Variants in ZMYM2 observed in about 807,000 individuals in gnomAD.
ZMYM2 encodes the protein zinc finger MYM-type protein 2.
In ZMYM2, 56 loss-of-function variants were observed where a neutral mutation model predicts 162.8. The observed-to-expected ratio is 0.34, with a 90% CI of 0.28 to 0.43. ZMYM2 has a LOEUF of 0.43. Ranked by LOEUF, ZMYM2 falls within the 20% of genes least tolerant of loss-of-function variation. The probability of loss-of-function intolerance (pLI) is 1.00; values close to 1 mark genes in which losing one functional copy is unlikely to be tolerated. For synonymous variants in ZMYM2, 510 were observed against 541.6 expected (o/e 0.94, Z 0.81); for missense variants, 1,275 against 1,621.8 (o/e 0.79, Z 3.67).
At chr13:19,927,190 TA>T in the ZMYM2 span, among the ~76,000 whole-genome samples, 3 of 152,296 alleles carry the variant, frequency 2.0e-5, no homozygotes, top group South Asian at 2.1e-4. Flanking sequence ...TATTTGTTAT[TA>T]AAAAAATTGT....
chr13:19,918,020 G>A, the ZMYM2 span, among the ~76,000 whole-genome samples: 22 of 152,180 alleles, frequency 1.4e-4, no homozygotes, highest in Non-Finnish European at 2.9e-4. Context: ...TCGTGCCACT[G>A]CACTCCAGCC....
At chr13:20,010,567 G>A (rs924186785) in intron 6 of ZMYM2, among the ~76,000 whole-genome samples, 1 of 152,050 alleles carries the variant, frequency 6.6e-6, no homozygotes, top group East Asian at 1.9e-4. Context: ...ATCTATTCAA[G>A]TCCTGTCTCT....
chr13:19,954,170 C>T (rs1954473029), upstream of ZMYM2, among the ~76,000 whole-genome samples: 1 of 86,006 alleles, frequency 1.2e-5, no homozygotes, highest in Admixed American at 1.9e-4. Context: ...ACTCTGTCGC[C>T]CAGGCTGGAG....
intron 8 of ZMYM2, 96 bp downstream of exon 8, chr13:20,026,858 G>A: frequency 3.1e-6 from 4 of 1,304,858 alleles, no homozygotes; most frequent in Non-Finnish European, 3.1e-6. Context: ...GTTTTTAACA[G>A]CTTTTTATTT....
rs1566240180 is a variant in ZMYM2 at position 19,993,047 on chromosome 13, TC to T, written c.-10-15del. On this transcript the variant is annotated splice_polypyrimidine_tract_variant and intron_variant, in intron 2 of 24. Coordinates refer to ENST00000610343, the MANE Select transcript of ZMYM2 (RefSeq NM_197968.4). The stretch of plus-strand genomic sequence containing the variant: ...TCATACTGACATTTTAATTCTTTTT[TC>T]TATCTTCCTAACAGGTTCTTTGGCA... The T allele has an allele frequency of 2.6e-6, 4 of 1,546,314 alleles. No individual in the cohort carries two copies. Among genetic ancestry groups the T allele is most frequent in the African/African-American group, 1.4e-5 (1 of 72,176 alleles).
chr13:19,884,603 G>C, the ZMYM2 span, among the ~76,000 whole-genome samples: 2 of 151,990 alleles, frequency 1.3e-5, no homozygotes, highest in Non-Finnish European at 2.9e-5. Flanking sequence ...TGGTCCTCAC[G>C]GTGAGTATTA....
the ZMYM2 span, among the ~76,000 whole-genome samples, chr13:19,909,786 G>A: frequency 1.3e-5 from 2 of 152,142 alleles, no homozygotes; most frequent in African/African-American, 4.8e-5. Context: ...GACCTCTAAA[G>A]TGCAACCCAG....
At chr13:19,966,908 C>G (rs180836749) in intron 2 of ZMYM2, among the ~76,000 whole-genome samples, 1 of 152,188 alleles carries the variant, frequency 6.6e-6, no homozygotes, top group African/African-American at 2.4e-5. Flanking sequence ...GTTTCTTAGC[C>G]AAATAAGTGT....
chr13:20,069,038 C>G (rs746015611), intron 21 of ZMYM2, among the ~76,000 whole-genome samples: 8 of 152,132 alleles, frequency 5.3e-5, no homozygotes, highest in Non-Finnish European at 8.8e-5. Flanking sequence ...TACCTAGTTC[C>G]TCTCCCTAAG....
the ZMYM2 span, among the ~76,000 whole-genome samples, chr13:19,881,128 C>T: frequency 6.6e-6 from 1 of 151,888 alleles, no homozygotes; most frequent in South Asian, 2.1e-4. Context: ...ACCTCGTGAT[C>T]TGCCCTCCTC....
At chr13:19,879,170 T>G in the ZMYM2 span, among the ~76,000 whole-genome samples, 5 of 152,340 alleles carry the variant, frequency 3.3e-5, no homozygotes, top group African/African-American at 1.2e-4. Flanking sequence ...TTGTGTGTAT[T>G]ATAAGGTAAG....
the ZMYM2 span, among the ~76,000 whole-genome samples, chr13:19,877,851 T>A: frequency 6.6e-6 from 1 of 152,212 alleles, no homozygotes; most frequent in African/African-American, 2.4e-5. Flanking sequence ...CTGCTATAAA[T>A]GTGGGTATAC....
At chr13:19,925,617 A>T in the ZMYM2 span, among the ~76,000 whole-genome samples, 1 of 152,056 alleles carries the variant, frequency 6.6e-6, no homozygotes, top group Non-Finnish European at 1.5e-5. Context: ...TCATGCCTGT[A>T]ATCCCAGCAC....
chr13:20,006,342 G>A lies in ZMYM2; in HGVS notation c.1300-32G>A, dbSNP rs980468056. The A allele has an allele frequency of 7.8e-6, 12 of 1,538,156 alleles. No individual in the cohort carries two copies. The African/African-American group carries it at 1.4e-4, about 18-fold the overall frequency. ...ATTTAGCTACTTGTCAGATTGATCT[G>A]TTTTGTAAGATTTTGTTTATTTTTC... On this transcript the variant is annotated intron_variant, in intron 5 of 24. Coordinates refer to ENST00000610343, the MANE Select transcript of ZMYM2 (RefSeq NM_197968.4).
chr13:19,903,589 G>T, the ZMYM2 span, among the ~76,000 whole-genome samples: 1 of 151,118 alleles, frequency 6.6e-6, no homozygotes, highest in Non-Finnish European at 1.5e-5. Context: ...AAAAGAGGCC[G>T]AAGTGTGATG....
chr13:19,960,969 G>A (rs1481235350), intron 2 of ZMYM2, among the ~76,000 whole-genome samples: 1 of 152,170 alleles, frequency 6.6e-6, no homozygotes, highest in Admixed American at 6.5e-5. Flanking sequence ...ACATTGTGAA[G>A]GATGATGTGA....
At chr13:19,958,226 C>T (rs1460467347), upstream of ZMYM2, among the ~76,000 whole-genome samples, 3 of 152,216 alleles carry the variant, frequency 2.0e-5, no homozygotes, top group African/African-American at 7.2e-5. Context: ...CTCGCAGGGG[C>T]CTTCAAGCAA....
At chr13:20,022,342 A>G (rs1594412616) in intron 7 of ZMYM2, among the ~76,000 whole-genome samples, 2 of 152,288 alleles carry the variant, frequency 1.3e-5, no homozygotes, top group Admixed American at 1.3e-4. Context: ...GAGGTAATGC[A>G]TTTTTGGCAT....
At chr13:19,936,605 C>A in the ZMYM2 span, among the ~76,000 whole-genome samples, 2,428 of 152,092 alleles carry the variant, frequency 0.016, 58 homozygotes, top group African/African-American at 0.049. Flanking sequence ...ACCTGTAATC[C>A]CAGCTACTCG....
Sources: allele counts gnomAD v4.1 joint callset (sites outside exome capture counted in the v4.1 genomes callset), GRCh38; gene constraint gnomAD v4.1.1; transcripts MANE v1.5; gene names NCBI Gene and HGNC (gene_info 2026-07-23, HGNC 2026-07-21).